Variants in PACRGL observed in about 807,000 individuals in gnomAD.
PACRGL encodes parkin coregulated like, also known as PACRG-like protein.
A neutral mutation model predicts 34.5 loss-of-function variants in PACRGL; 38 were observed. The ratio of observed to expected loss-of-function variants is 1.10; its 90% CI spans 0.85 to 1.44. PACRGL has a LOEUF of 1.44. Among genes scored for constraint, PACRGL ranks in the 40% most tolerant of loss-of-function variants. PACRGL has a pLI of 0.00. For synonymous variants in PACRGL, 128 were observed against 100.1 expected (o/e 1.28, Z -1.66); for missense variants, 305 against 281.4 (o/e 1.08, Z -0.60).
chr4:20,712,758 TA>T (rs749056578), intron 5 of PACRGL, 29 bp from the exon 6 acceptor site: 12 of 1,425,592 alleles, frequency 8.4e-6, no homozygotes, highest in Non-Finnish European at 1.1e-5. Context: ...AAATGGGTAG[TA>T]AATCATGTTT....
At chr4:20,716,243 G>T (rs1013373192) in intron 7 of PACRGL, 2 of 798,734 alleles carry the variant, frequency 2.5e-6, no homozygotes, top group African/African-American at 1.7e-5. Flanking sequence ...ATTAAAATCA[G>T]CAAAGGTAAG....
intron 5 of PACRGL, among the ~76,000 whole-genome samples, chr4:20,711,695 A>G (rs575497510): frequency 6.6e-6 from 1 of 152,214 alleles, no homozygotes; most frequent in Non-Finnish European, 1.5e-5. Context: ...GTTTTGCTTT[A>G]TCATTTCGAA....
At chr4:20,701,836 A>G (rs1473793594) in intron 1 of PACRGL, 1 of 456,642 alleles carries the variant, frequency 2.2e-6, no homozygotes, top group Non-Finnish European at 4.4e-6. Flanking sequence ...TCAAATCTAT[A>G]GATGTGGAAC....
Position 20,724,843 on chromosome 4 carries a change from G to A in PACRGL, c.645G>A (p.Glu215=), listed in dbSNP as rs1388614572. ...GATTAATGGACAAGAAATTCAAAGA[G>A]CCAATCACCAGCGCATTACAAAAGC... ...SKRLMDKKFK[E]PITSALQKLE... The change falls in exon 8 of 9, where the codon GAG becomes GAA. Residue 215 remains glutamate, a synonymous_variant. Transcript: ENST00000503585. 4 of 1,501,324 alleles carry A rather than the reference G, an allele frequency of 2.7e-6. No individual in the cohort carries two copies. Among genetic ancestry groups the A allele is most frequent in the Non-Finnish European group, 2.6e-6 (3 of 1,134,064 alleles). The allele number at this position is 1,501,324 out of a possible 1,614,324, so 93.0% of individuals were successfully genotyped here.
chr4:20,702,201 T>C (rs1252501350), intron 1 of PACRGL: 1 of 456,704 alleles, frequency 2.2e-6, no homozygotes. Flanking sequence ...TAAAATTCCA[T>C]CCAAAACTTC....
chr4:20,704,322 TC>T (rs1478390489), intron 1 of PACRGL, 143 bp from the exon 2 acceptor site: 4 of 641,666 alleles, frequency 6.2e-6, no homozygotes, highest in Non-Finnish European at 8.1e-6. Flanking sequence ...TTCTCATTAG[TC>T]TTTTCCAGTA....
the PACRGL span, among the ~76,000 whole-genome samples, chr4:20,763,992 T>A: frequency 6.6e-6 from 1 of 152,206 alleles, no homozygotes; most frequent in East Asian, 1.9e-4. Context: ...GCATGAATTT[T>A]TTCATTAGAT....
At chr4:20,702,479 A>G (rs1732626040) in intron 1 of PACRGL, among the ~76,000 whole-genome samples, 1 of 152,214 alleles carries the variant, frequency 6.6e-6, no homozygotes, top group Non-Finnish European at 1.5e-5. Flanking sequence ...GTACCATTGT[A>G]AAGAAAATTA....
chr4:20,698,115 A>C (rs1487639354), upstream of PACRGL, among the ~76,000 whole-genome samples: 1 of 152,104 alleles, frequency 6.6e-6, no homozygotes, highest in African/African-American at 2.4e-5. Flanking sequence ...AGTGTTCTTC[A>C]GTAGCCAAAC....
chr4:20,716,089 A>C (rs1228087661), intron 7 of PACRGL: 12 of 1,519,250 alleles, frequency 7.9e-6, no homozygotes, highest in South Asian at 1.2e-5. Flanking sequence ...TTTAATCTTT[A>C]ATATAAATAT....
At chr4:20,709,366 C>A (rs1373179847) in intron 4 of PACRGL, among the ~76,000 whole-genome samples, 1 of 152,098 alleles carries the variant, frequency 6.6e-6, no homozygotes, top group Non-Finnish European at 1.5e-5. Flanking sequence ...TGCATTTTTT[C>A]ATTTCTGTAG....
chr4:20,709,481 G>A (rs941629238), intron 4 of PACRGL, among the ~76,000 whole-genome samples: 1 of 152,190 alleles, frequency 6.6e-6, no homozygotes, highest in Non-Finnish European at 1.5e-5. Context: ...CTTAACACAT[G>A]TGGGTCACTT....
At chr4:20,749,424 A>G (rs1753158712) in intron 8 of PACRGL, among the ~76,000 whole-genome samples, 1 of 152,148 alleles carries the variant, frequency 6.6e-6, no homozygotes, top group African/African-American at 2.4e-5. Flanking sequence ...TTCACATGTA[A>G]TTGAAGAAGT....
At chr4:20,737,523 A>C (rs1290991565), downstream of PACRGL, among the ~76,000 whole-genome samples, 2 of 149,164 alleles carry the variant, frequency 1.3e-5, no homozygotes. Flanking sequence ...AAGGGAGTTG[A>C]TACATGAGAC....
chr4:20,715,274 G>A (rs950581521), intron 7 of PACRGL, among the ~76,000 whole-genome samples: 1 of 151,964 alleles, frequency 6.6e-6, no homozygotes. Flanking sequence ...GGACTGTTGT[G>A]GGGTGGGAGT....
rs145126992 is a variant in PACRGL at position 20,724,401 on chromosome 4, C to T, written c.610-407C>T. On this transcript the variant is annotated intron_variant, in intron 7 of 8. Transcript: ENST00000503585. ...AGACTAGAGAGGGACCCTGTCCATC[C>T]CCAGGGCATTCACTCTTATAAATTA... Among the ~76,000 whole-genome samples the T allele has an allele frequency of 2.3e-3, 353 of 152,198 alleles. 8 individuals carry two copies. The South Asian group carries it at 0.046, about 20-fold the overall frequency.
Position 20,704,737 on chromosome 4 carries a change from T to C in PACRGL, c.130T>C (p.Ser44Pro). 3 of 1,614,094 alleles carry C rather than the reference T, an allele frequency of 1.9e-6. No homozygotes were observed. Among genetic ancestry groups the C allele is most frequent in the South Asian group, 1.1e-5 (1 of 91,080 alleles). Reference protein sequence around the residue: ...NAVQGSKSSLSTSSPESARKL... With the variant: ...NAVQGSKSSLPTSSPESARKL... ...AGTTCAGGGAAGCAAATCCTCATTG[T>C]CAACCAGTTCTCCAGAGTCTGCAAG... is the stretch of plus-strand genomic sequence containing the variant. The change falls in exon 3 of 9, where the codon TCA becomes CCA. Residue 44 changes from serine (S) to proline (P), a missense_variant. Physicochemically the swap from Ser to Pro is moderately conservative, Grantham distance 74. Transcript: ENST00000503585.
At position 20,713,958 on chromosome 4, in the gene PACRGL, A is replaced by G. The variant is rs574205363; in HGVS notation, c.609+419A>G. On this transcript the variant is annotated intron_variant, in intron 7 of 8. Transcript: ENST00000503585. ...TGGGATAGGTGTGGTGTGGTGCTGA[A>G]AAAAATGTATATTCTGTTGATTTGG... 4.1e-3 allele frequency among the ~76,000 whole-genome samples: 627 copies of G among 152,234 alleles called. 8 individuals carry two copies. The highest frequency in any genetic ancestry group is 0.014 in the African/African-American group (590 of 41,530).
chr4:20,747,524 G>A (rs1752628845), intron 8 of PACRGL, among the ~76,000 whole-genome samples: 3 of 152,104 alleles, frequency 2.0e-5, no homozygotes, highest in Admixed American at 6.6e-5. Context: ...TGTGGAGACT[G>A]GTACCCAGGA....
Sources: gnomAD v4.1 joint callset for allele counts (sites outside exome capture counted in the v4.1 genomes callset) on GRCh38, gnomAD v4.1.1 for gene constraint, MANE v1.5 for transcripts, NCBI Gene and HGNC (gene_info 2026-07-23, HGNC 2026-07-21) for gene names.